The following SMARCC1 variants were observed in gnomAD, a reference collection of about 807,000 sequenced individuals.
The protein encoded by SMARCC1 is SWI/SNF complex subunit SMARCC1.
Under a neutral mutation model 147.4 loss-of-function variants are expected in SMARCC1, and 43 were observed. The observed-to-expected ratio is 0.29, with a 90% CI of 0.23 to 0.38. SMARCC1 has a LOEUF of 0.38. Among genes scored for constraint, SMARCC1 ranks in the 10% least tolerant of loss-of-function variants. The pLI is 1.00. For synonymous variants in SMARCC1, 495 were observed against 484.4 expected, an observed-to-expected ratio of 1.02 and a Z score of -0.29; for missense variants, 1,119 against 1,381.1, an observed-to-expected ratio of 0.81 and a Z score of 3.01.
At chr3:47,615,123 TC>T (rs138781786) in intron 25 of SMARCC1, among the ~76,000 whole-genome samples, 1 of 151,968 alleles carries the variant, frequency 6.6e-6, no homozygotes, top group East Asian at 1.9e-4. Flanking sequence ...CCACTCCTAA[TC>T]CCCCCGACTC....
intron 2 of SMARCC1, among the ~76,000 whole-genome samples, chr3:47,756,096 C>T (rs2034694559): frequency 6.6e-6 from 1 of 150,874 alleles, no homozygotes; most frequent in African/African-American, 2.4e-5. Context: ...ACCATTTGAA[C>T]CCAGGAGGCA....
In SMARCC1 at chr3:47,694,155, C is replaced by T. The variant is rs1046577430; in HGVS notation, c.1166-855G>A. 4.6e-5 allele frequency among the ~76,000 whole-genome samples: 7 copies of T among 152,084 alleles called. No homozygotes were observed. The East Asian group carries it at 1.3e-3, about 29-fold the overall frequency. Reference sequence around the variant, plus strand: ...GTCCATAGGTGGACTGTAAGTTAACCAGCCCTACACTGATGGAAACCATGT... The same window carrying T: ...GTCCATAGGTGGACTGTAAGTTAACTAGCCCTACACTGATGGAAACCATGT... On this transcript the variant is annotated intron_variant, in intron 11 of 27. Coordinates refer to ENST00000254480, the MANE Select transcript of SMARCC1 (RefSeq NM_003074.4).
At chr3:47,727,721 T>C (rs1411968525) in intron 6 of SMARCC1, among the ~76,000 whole-genome samples, 33 of 151,914 alleles carry the variant, frequency 2.2e-4, no homozygotes. Flanking sequence ...GTTCAAGCGA[T>C]TCTCCTGCCT....
chr3:47,649,650 A>G (rs1311893230), intron 21 of SMARCC1, among the ~76,000 whole-genome samples: 2 of 152,220 alleles, frequency 1.3e-5, no homozygotes, highest in African/African-American at 2.4e-5. Flanking sequence ...ACTTGTAAGG[A>G]AAACACTTCA....
At chr3:47,672,428 G>A (rs545269033) in intron 18 of SMARCC1, among the ~76,000 whole-genome samples, 8 of 152,134 alleles carry the variant, frequency 5.3e-5, no homozygotes, top group East Asian at 1.9e-4. Context: ...GGATGGTCTC[G>A]ATCTCCTGAC....
At chr3:47,608,770 G>T (rs2032518063) in intron 26 of SMARCC1, among the ~76,000 whole-genome samples, 1 of 149,848 alleles carries the variant, frequency 6.7e-6, no homozygotes, top group South Asian at 2.1e-4. Context: ...GATTGATTGA[G>T]CCTGGGAGGT....
chr3:47,710,918 A>T (rs573791399), intron 8 of SMARCC1, 110 bp from the exon 9 acceptor site: 1 of 715,796 alleles, frequency 1.4e-6, no homozygotes, highest in East Asian at 2.9e-5. Context: ...CAAATGCATA[A>T]AACATTAATA....
intron 15 of SMARCC1, 133 bp from the exon 16 acceptor site, chr3:47,678,444 T>A: frequency 2.1e-6 from 1 of 478,148 alleles, no homozygotes. Flanking sequence ...AAAACATTGA[T>A]ATTATATTGC....
At chr3:47,593,063 G>C (rs971901128) in intron 26 of SMARCC1, among the ~76,000 whole-genome samples, 1 of 152,036 alleles carries the variant, frequency 6.6e-6, no homozygotes, top group African/African-American at 2.4e-5. Context: ...CTGACCTCAA[G>C]TGATCCACCC....
At chr3:47,680,605 T>C (rs2033632128) in intron 14 of SMARCC1, 97 bp from the exon 15 acceptor site, 3 of 650,308 alleles carry the variant, frequency 4.6e-6, no homozygotes, top group Non-Finnish European at 7.0e-6. Flanking sequence ...TGGAGTGCAG[T>C]GGCGGGATCT....
chr3:47,669,205 G>T (rs1003643352), intron 19 of SMARCC1, among the ~76,000 whole-genome samples: 3 of 152,178 alleles, frequency 2.0e-5, no homozygotes, highest in Admixed American at 1.3e-4. Flanking sequence ...ATGCACTGTT[G>T]TGTAATACTG....
chr3:47,729,959 A>G (rs2034348035), intron 5 of SMARCC1, among the ~76,000 whole-genome samples: 1 of 152,120 alleles, frequency 6.6e-6, no homozygotes. Flanking sequence ...CAGGTGGATC[A>G]TTTGAGGTCA....
chr3:47,673,779 T>C (rs770224333), intron 18 of SMARCC1, among the ~76,000 whole-genome samples: 2 of 152,226 alleles, frequency 1.3e-5, no homozygotes, highest in South Asian at 2.1e-4. Context: ...ATTTAACTTA[T>C]ATGACAATGT....
At position 47,680,418 on chromosome 3, in the gene SMARCC1, T is replaced by C; in HGVS notation, c.1457+19A>G. On this transcript the variant is annotated intron_variant, in intron 15 of 27. Transcript: ENST00000254480. ...CGCACACAGGCAAATAAACAAGTTT[T>C]CTAAAACACTGGCCTCACATTTCTG... is the stretch of plus-strand genomic sequence containing the variant. 1 of 1,587,992 alleles carries C rather than the reference T, an allele frequency of 6.3e-7. No homozygotes were observed. Among genetic ancestry groups the C allele is most frequent in the Non-Finnish European group, 8.6e-7 (1 of 1,158,902 alleles).
intron 6 of SMARCC1, among the ~76,000 whole-genome samples, chr3:47,723,294 C>T (rs756609070): frequency 2.0e-5 from 3 of 149,380 alleles, no homozygotes; most frequent in Non-Finnish European, 4.4e-5. Context: ...GCATATCATA[C>T]AGTTAATATA....
chr3:47,766,186 C>T (rs991136619), intron 2 of SMARCC1, among the ~76,000 whole-genome samples: 2 of 152,132 alleles, frequency 1.3e-5, no homozygotes, highest in South Asian at 2.1e-4. Context: ...GAGACTCTCA[C>T]TTAACCTTCT....
At position 47,590,807 on chromosome 3, in the gene SMARCC1, G is replaced by A. The variant is rs764027032; in HGVS notation, c.3074C>T (p.Pro1025Leu). 1 of 1,601,620 alleles carries A rather than the reference G, an allele frequency of 6.2e-7. No individual in the cohort carries two copies. Among genetic ancestry groups the A allele is most frequent in the Non-Finnish European group, 8.5e-7 (1 of 1,175,206 alleles). ...GQIPGPGSMMPGQHMPGRMIP... is the reference protein window; with the variant it reads ...GQIPGPGSMMLGQHMPGRMIP... ...CATGCGGCCTGGCATGTGCTGCCCG[G>A]GCATCATGGAACCTGGGCCTGGTAT... The change falls in exon 27 of 28, where the codon CCC (proline) becomes CTC (leucine). Residue 1025 changes from proline to leucine, a missense_variant. By Grantham distance (98) the Pro-to-Leu change is moderately conservative (BLOSUM62 -3). Around this residue, in one of 6 missense-constraint regions of SMARCC1, gnomAD observed 186 missense variants for 216.5 expected, o/e 0.86. Coordinates refer to ENST00000254480, the MANE Select transcript of SMARCC1 (RefSeq NM_003074.4).
intron 14 of SMARCC1, among the ~76,000 whole-genome samples, chr3:47,683,980 C>T (rs1283615897): frequency 2.6e-5 from 4 of 152,086 alleles, no homozygotes; most frequent in African/African-American, 9.7e-5. Flanking sequence ...CGGCCGGGCG[C>T]GGTGGCTCAC....
intron 26 of SMARCC1, among the ~76,000 whole-genome samples, chr3:47,599,355 C>G (rs894041008): frequency 6.6e-6 from 1 of 152,192 alleles, no homozygotes; most frequent in Non-Finnish European, 1.5e-5. Context: ...TGCACTCCAG[C>G]CTGAGCGACA....
Sources: gnomAD v4.1 joint callset for allele counts (sites outside exome capture counted in the v4.1 genomes callset) on GRCh38, gnomAD v4.1.1 for gene constraint, gnomAD v4.1.1 regional missense constraint, MANE v1.5 for transcripts, NCBI Gene and HGNC (gene_info 2026-07-23, HGNC 2026-07-21) for gene names.